COL15A1: variants seen among roughly 807,000 people sequenced by gnomAD.
COL15A1 encodes the protein collagen type XV alpha 1 chain.
In COL15A1, 111 loss-of-function variants were observed where a neutral mutation model predicts 165.9. The observed-to-expected ratio is 0.67, with a 90% CI of 0.57 to 0.78. The LOEUF (loss-of-function observed/expected upper bound fraction) is 0.78. Ranked by LOEUF, COL15A1 falls within the 30% of genes least tolerant of loss-of-function variation. The pLI is 0.00. For synonymous variants in COL15A1, 659 were observed against 674.8 expected (o/e 0.98, Z 0.36); for missense variants, 1,745 against 1,789.7 (o/e 0.98, Z 0.45).
chr9:99,055,182 T>C (rs1057511741), intron 33 of COL15A1, 31 bp downstream of exon 33: 10 of 1,606,882 alleles, frequency 6.2e-6, no homozygotes, highest in Non-Finnish European at 8.5e-6. Context: ...ATTTGGCCTG[T>C]GTTTTTCAGG....
Position 99,023,073 on chromosome 9 carries a change from G to A in COL15A1, c.1762-284G>A, listed in dbSNP as rs375388269. On this transcript the variant is annotated intron_variant, in intron 13 of 41. Coordinates refer to ENST00000375001, the MANE Select transcript of COL15A1 (RefSeq NM_001855.5). Reference sequence around the variant, plus strand: ...CTGGAAACGGGGTAGGGAGGGCTTCGTGTAGGAGGAGACTGCGGAACTGGG... The same window carrying A: ...CTGGAAACGGGGTAGGGAGGGCTTCATGTAGGAGGAGACTGCGGAACTGGG... Among the ~76,000 whole-genome samples, 29 of 152,276 alleles carry A rather than the reference G, an allele frequency of 1.9e-4. No homozygotes were observed. In the East Asian group the frequency reaches 2.7e-3, roughly 14 times the overall value.
At chr9:99,003,163 G>A (rs1838693010) in intron 7 of COL15A1, among the ~76,000 whole-genome samples, 1 of 152,252 alleles carries the variant, frequency 6.6e-6, no homozygotes. Context: ...TCACAGGGAG[G>A]CAATGGGTTT....
chr9:99,046,672 G>T (rs914690452), intron 26 of COL15A1, among the ~76,000 whole-genome samples: 1 of 152,316 alleles, frequency 6.6e-6, no homozygotes, highest in African/African-American at 2.4e-5. Flanking sequence ...CTCATTCACT[G>T]TTATGAGAAC....
chr9:99,034,952 C>T, intron 17 of COL15A1, 62 bp from the exon 18 acceptor site: 1 of 1,356,190 alleles, frequency 7.4e-7, no homozygotes, highest in Non-Finnish European at 1.1e-6. Context: ...TTCAGGCATG[C>T]ATGTTGTTCC....
At chr9:98,972,374 C>T (rs150478166) in intron 2 of COL15A1, among the ~76,000 whole-genome samples, 274 of 152,230 alleles carry the variant, frequency 1.8e-3, no homozygotes, top group Non-Finnish European at 2.3e-3. Context: ...TAAAAGCTCC[C>T]AGGGGTGACT....
At chr9:99,046,445 T>C (rs1448057621) in intron 26 of COL15A1, among the ~76,000 whole-genome samples, 1 of 152,178 alleles carries the variant, frequency 6.6e-6, no homozygotes, top group East Asian at 1.9e-4. Context: ...GTTTGGGAAG[T>C]GTATTAGTCC....
chr9:99,055,826 C>T (rs920242843), intron 34 of COL15A1, among the ~76,000 whole-genome samples: 4 of 152,168 alleles, frequency 2.6e-5, no homozygotes, highest in African/African-American at 9.7e-5. Flanking sequence ...TCAAGCTGTG[C>T]CCCCAACAAG....
chr9:98,979,346 C>T (rs1474436823), intron 2 of COL15A1, among the ~76,000 whole-genome samples: 8 of 152,206 alleles, frequency 5.3e-5, no homozygotes, highest in Admixed American at 5.2e-4. Context: ...CAGGAGAAGG[C>T]CTGCTGCCTT....
intron 35 of COL15A1, among the ~76,000 whole-genome samples, chr9:99,057,446 C>T (rs539069851): frequency 1.9e-4 from 29 of 152,314 alleles, no homozygotes; most frequent in African/African-American, 6.3e-4. Flanking sequence ...AGCCTCACCT[C>T]CTCATATGCA....
rs142139742 is a variant in COL15A1, at chr9:99,009,057, C to G, written c.1353+4007C>G. 7.9e-5 allele frequency among the ~76,000 whole-genome samples: 12 copies of G among 152,342 alleles called. No homozygotes were observed. The East Asian group carries it at 2.3e-3, about 29-fold the overall frequency. On this transcript the variant is annotated intron_variant, in intron 9 of 41. Coordinates refer to ENST00000375001, the MANE Select transcript of COL15A1 (RefSeq NM_001855.5). ...AAGTCCACAGTTAACTCCTGTTCTGCATGTTATTCATGAACATTTCAGCTC... is the reference window on the plus strand; with the variant it reads ...AAGTCCACAGTTAACTCCTGTTCTGGATGTTATTCATGAACATTTCAGCTC...
intron 10 of COL15A1, 82 bp from the exon 11 acceptor site, chr9:99,015,894 C>A: frequency 1.3e-6 from 2 of 1,523,622 alleles, no homozygotes; most frequent in Non-Finnish European, 9.0e-7. Context: ...ACTGGGCTGG[C>A]ACCACAGAAA....
intron 31 of COL15A1, among the ~76,000 whole-genome samples, chr9:99,053,023 C>T (rs1203476106): frequency 2.0e-5 from 3 of 152,152 alleles, no homozygotes. Context: ...GAGTGCACAG[C>T]AAAGTGTGAG....
At chr9:98,994,852 C>T (rs1319548596) in intron 5 of COL15A1, among the ~76,000 whole-genome samples, 1 of 152,148 alleles carries the variant, frequency 6.6e-6, no homozygotes, top group Non-Finnish European at 1.5e-5. Flanking sequence ...AGGCAGGTCC[C>T]CTTACCCTCA....
In COL15A1 at chr9:98,985,801, G is replaced by A. The variant is rs374984385; in HGVS notation, c.337G>A (p.Ala113Thr). Residue 113 changes from alanine to threonine, a missense_variant, in exon 3 of 42, where the codon GCC becomes ACC. Coordinates refer to ENST00000375001, the MANE Select transcript of COL15A1 (RefSeq NM_001855.5). Reference sequence around the variant, plus strand: ...TGGCGTGCTCTTCGCCATCACTGACGCCTTCCAGAAGGTCATCTACCTGGG... The same window carrying A: ...TGGCGTGCTCTTCGCCATCACTGACACCTTCCAGAAGGTCATCTACCTGGG... ...RGGVLFAITDAFQKVIYLGLR... is the reference protein window; with the variant it reads ...RGGVLFAITDTFQKVIYLGLR... 18 of 1,613,824 alleles carry A rather than the reference G, an allele frequency of 1.1e-5. No homozygotes were observed. Among genetic ancestry groups the A allele is most frequent in the African/African-American group, 4.0e-5 (3 of 74,932 alleles).
intron 7 of COL15A1, among the ~76,000 whole-genome samples, chr9:99,002,639 C>G (rs1838681293): frequency 1.3e-5 from 2 of 152,216 alleles, no homozygotes; most frequent in Non-Finnish European, 2.9e-5. Context: ...GAAAGAGTCT[C>G]ATTTTAACAT....
chr9:99,059,806 CT>C, intron 35 of COL15A1, 82 bp from the exon 36 acceptor site: 1 of 1,498,768 alleles, frequency 6.7e-7, no homozygotes. Flanking sequence ...GTTGAACACA[CT>C]TCTCTCCGGG....
At chr9:99,059,786 T>A in intron 35 of COL15A1, 103 bp from the exon 36 acceptor site, 2 of 1,284,116 alleles carry the variant, frequency 1.6e-6, no homozygotes, top group South Asian at 2.7e-5. Flanking sequence ...TTTGTGGCGC[T>A]GTGAATGGGG....
At chr9:98,996,838 T>A (rs1838553256) in intron 5 of COL15A1, 96 bp from the exon 6 acceptor site, 2 of 1,542,902 alleles carry the variant, frequency 1.3e-6, no homozygotes, top group South Asian at 2.5e-5. Context: ...ATTCAGCATC[T>A]TGTGGATATA....
intron 2 of COL15A1, among the ~76,000 whole-genome samples, chr9:98,974,886 G>A (rs1227369209): frequency 6.6e-6 from 1 of 152,218 alleles, no homozygotes; most frequent in Admixed American, 6.5e-5. Context: ...CCAGCACTCG[G>A]TGCAGAGAAA....
Sources: allele counts gnomAD v4.1 joint callset (sites outside exome capture counted in the v4.1 genomes callset), GRCh38; gene constraint gnomAD v4.1.1; transcripts MANE v1.5; gene names NCBI Gene and HGNC (gene_info 2026-07-23, HGNC 2026-07-21).